The following EIF4G3 variants were observed in gnomAD, a reference collection of about 807,000 sequenced individuals.
The protein encoded by EIF4G3 is eukaryotic translation initiation factor 4 gamma 3.
EIF4G3 carries 34 observed loss-of-function variants against 186.4 expected under a neutral mutation model. That is an observed-to-expected ratio of 0.18 (90% CI 0.14 to 0.24). EIF4G3 has a LOEUF of 0.24. Ranked by LOEUF, EIF4G3 falls within the 10% of genes least tolerant of loss-of-function variation. The pLI is 1.00. For missense variants in EIF4G3, 1,536 were observed against 1,948.5 expected, an observed-to-expected ratio of 0.79 and a Z score of 3.99; for synonymous variants, 673 against 679.5, an observed-to-expected ratio of 0.99 and a Z score of 0.15.
intron 2 of EIF4G3, among the ~76,000 whole-genome samples, chr1:21,131,481 G>C (rs897517445): frequency 5.7e-5 from 8 of 140,314 alleles, no homozygotes; most frequent in African/African-American, 7.9e-5. Flanking sequence ...CCAAACCACA[G>C]ATCCAAGAAG....
rs1392934444 is a variant in EIF4G3, at chr1:21,023,591, G to A, written c.-66-20783C>T. On this transcript the variant is annotated intron_variant, in intron 4 of 36. Transcript: ENST00000602326. ...GGTGCCCAGGCTGGAGTGCAGTGGC[G>A]TGATCTCGGCTCGCTACAACCTACA... Among the ~76,000 whole-genome samples the A allele has an allele frequency of 7.9e-5, 12 of 152,124 alleles. No homozygotes were observed. The South Asian group carries it at 2.1e-3, about 26-fold the overall frequency.
At chr1:20,817,604 G>A in intron 33 of EIF4G3, 66 bp from the exon 34 acceptor site, 1 of 1,021,026 alleles carries the variant, frequency 9.8e-7, no homozygotes, top group Non-Finnish European at 1.3e-6. Flanking sequence ...CATCCTGAGA[G>A]AAGAACAAAG....
intron 12 of EIF4G3, among the ~76,000 whole-genome samples, chr1:20,962,391 A>G (rs1412749503): frequency 1.3e-5 from 2 of 152,212 alleles, no homozygotes; most frequent in African/African-American, 4.8e-5. Flanking sequence ...GAGAAAATAC[A>G]TTTCCAATAC....
At chr1:21,029,465 C>CGGGG (rs112330550) in intron 4 of EIF4G3, among the ~76,000 whole-genome samples, 6 of 143,228 alleles carry the variant, frequency 4.2e-5, no homozygotes, top group African/African-American at 1.5e-4. Context: ...GAAATTGAGT[C>CGGGG]GGGGGGGGGA....
chr1:20,927,936 C>T (rs1420433720), intron 14 of EIF4G3, among the ~76,000 whole-genome samples: 9 of 152,032 alleles, frequency 5.9e-5, no homozygotes, highest in South Asian at 2.1e-4. Flanking sequence ...TGGCTCAGTG[C>T]GGCCTCAATC....
intron 2 of EIF4G3, among the ~76,000 whole-genome samples, chr1:21,098,016 G>A (rs2096417762): frequency 6.6e-6 from 1 of 152,116 alleles, no homozygotes; most frequent in African/African-American, 2.4e-5. Context: ...CGAGGTGGGA[G>A]GATCACTTGA....
chr1:20,831,611 C>CTT (rs1214626702), intron 30 of EIF4G3, among the ~76,000 whole-genome samples: 1 of 137,530 alleles, frequency 7.3e-6, no homozygotes, highest in Non-Finnish European at 1.6e-5. Context: ...CTTACTTTTT[C>CTT]TTTTTTTTTT....
chr1:20,900,129 G>A (rs1420475312), intron 15 of EIF4G3, among the ~76,000 whole-genome samples, 186 bp from the exon 16 acceptor site: 1 of 152,132 alleles, frequency 6.6e-6, no homozygotes, highest in Non-Finnish European at 1.5e-5. Context: ...CAGCACCTAG[G>A]AAAAGGAAGA....
intron 2 of EIF4G3, among the ~76,000 whole-genome samples, chr1:21,094,913 G>C (rs2096321758): frequency 6.6e-6 from 1 of 151,996 alleles, no homozygotes; most frequent in Admixed American, 6.6e-5. Flanking sequence ...CACTAAGAAA[G>C]CTGTGATGAC....
At chr1:21,013,582 G>A (rs781504749) in intron 4 of EIF4G3, among the ~76,000 whole-genome samples, 2 of 152,160 alleles carry the variant, frequency 1.3e-5, no homozygotes, top group Non-Finnish European at 2.9e-5. Flanking sequence ...GAGAGCTACA[G>A]GGATGTCACC....
intron 2 of EIF4G3, among the ~76,000 whole-genome samples, chr1:21,118,068 A>G (rs900909533): frequency 1.3e-5 from 2 of 152,228 alleles, no homozygotes; most frequent in Non-Finnish European, 2.9e-5. Context: ...GGATTCCAGC[A>G]AAGATAATCC....
intron 30 of EIF4G3, 21 bp downstream of exon 30, chr1:20,840,835 A>C: frequency 6.2e-7 from 1 of 1,609,106 alleles, no homozygotes; most frequent in Non-Finnish European, 8.5e-7. Flanking sequence ...ACTGAATACC[A>C]CTCTTGAAGA....
At chr1:21,167,991 T>C (rs1254304317) in intron 2 of EIF4G3, 2 of 466,538 alleles carry the variant, frequency 4.3e-6, no homozygotes, top group South Asian at 1.6e-5. Context: ...CCCTTTGTAA[T>C]GTGCAGTCAT....
At chr1:20,914,054 C>T (rs1328293721) in intron 14 of EIF4G3, among the ~76,000 whole-genome samples, 1 of 151,376 alleles carries the variant, frequency 6.6e-6, no homozygotes, top group African/African-American at 2.4e-5. Context: ...GTGATCTGCC[C>T]GCCTCGGCCT....
intron 20 of EIF4G3, among the ~76,000 whole-genome samples, chr1:20,872,861 C>T (rs1270635776): frequency 6.6e-6 from 1 of 151,988 alleles, no homozygotes; most frequent in Non-Finnish European, 1.5e-5. Context: ...CTCAGCCTCC[C>T]AAGTAGCTGG....
intron 20 of EIF4G3, among the ~76,000 whole-genome samples, chr1:20,872,713 CTTTTTTTTTTT>C (rs386366427): frequency 4.9e-5 from 4 of 81,836 alleles, no homozygotes; most frequent in African/African-American, 1.8e-4. Context: ...ACTTTCTTGC[CTTTTTTTTTTT>C]TTTTTTTTTT....
chr1:21,041,699 A>G (rs1200638406), intron 4 of EIF4G3, among the ~76,000 whole-genome samples: 1 of 152,238 alleles, frequency 6.6e-6, no homozygotes. Context: ...AATGTTGGCA[A>G]CATGGTTTCT....
At chr1:20,923,537 T>G (rs896000089) in intron 14 of EIF4G3, among the ~76,000 whole-genome samples, 1 of 152,108 alleles carries the variant, frequency 6.6e-6, no homozygotes, top group Non-Finnish European at 1.5e-5. Flanking sequence ...GTAATTTAAT[T>G]AGGAAAGAGA....
At position 20,872,713 on chromosome 1, in the gene EIF4G3, C is replaced by CTTT. The variant is rs386366427; in HGVS notation, c.2622+6607_2622+6609dup. 4.1e-3 allele frequency among the ~76,000 whole-genome samples: 333 copies of CTTT among 81,876 alleles called. 42 individuals carry two copies. Among genetic ancestry groups the CTTT allele is most frequent in the African/African-American group, 0.011 (244 of 22,340 alleles). The allele number at this position is 81,876 out of a possible 152,430, so 53.7% of individuals were successfully genotyped here. A position where few individuals can be genotyped will look rare whatever the true frequency, so the allele number is the denominator to read the frequency against. On this transcript the variant is annotated intron_variant, in intron 20 of 36. Transcript: ENST00000602326. ...TCCTAGACTTTTATAACTTTCTTGCCTTTTTTTTTTTTTTTTTTTTTTTGA... is the reference window on the plus strand; with the variant it reads ...TCCTAGACTTTTATAACTTTCTTGCCTTTTTTTTTTTTTTTTTTTTTTTTTTGA...
Sources: gnomAD v4.1 joint callset for allele counts (sites outside exome capture counted in the v4.1 genomes callset) on GRCh38, gnomAD v4.1.1 for gene constraint, MANE v1.5 for transcripts, NCBI Gene and HGNC (gene_info 2026-07-23, HGNC 2026-07-21) for gene names.